The following PPRC1 variants were observed in gnomAD, a reference collection of about 807,000 sequenced individuals.
The protein encoded by PPRC1 is PPARG related coactivator 1.
Under a neutral mutation model 132.5 loss-of-function variants are expected in PPRC1, and 23 were observed. That is an observed-to-expected ratio of 0.17 (90% CI 0.12 to 0.25). The LOEUF (loss-of-function observed/expected upper bound fraction) is 0.25, where lower values mean the gene tolerates loss of function less well. PPRC1 is among the 10% of genes least tolerant of loss of function. The pLI, the probability that PPRC1 is intolerant of heterozygous loss-of-function variation, is 1.00. For synonymous variants in PPRC1, 872 were observed against 833.5 expected, an observed-to-expected ratio of 1.05 and a Z score of -0.80; for missense variants, 2,006 against 2,089.1, an observed-to-expected ratio of 0.96 and a Z score of 0.78.
intron 1 of PPRC1, among the ~76,000 whole-genome samples, 198 bp downstream of exon 1, chr10:102,133,419 G>T (rs1407848956): frequency 1.3e-5 from 2 of 152,274 alleles, no homozygotes; most frequent in African/African-American, 4.8e-5. Context: ...GCCATTCCTG[G>T]GGGACGCCGG....
Position 102,142,011 on chromosome 10 carries a change from GAC to G in PPRC1, c.3496+13_3496+14del, listed in dbSNP as rs766264217. On this transcript the variant is annotated splice_region_variant and intron_variant, in intron 5 of 13. Coordinates refer to ENST00000278070, the MANE Select transcript of PPRC1 (RefSeq NM_015062.5). ...GCTTTCATCAGTGAGATTGGTGAGT[GAC>G]ACACAGTTCCCCCATGTAGTCCCCA... The G allele has an allele frequency of 1.9e-6, 3 of 1,598,112 alleles. No homozygotes were observed. The highest frequency in any genetic ancestry group is 1.1e-5 in the South Asian group (1 of 88,908).
At chr10:102,143,577 C>G (rs1239304818) in intron 6 of PPRC1, among the ~76,000 whole-genome samples, 2 of 148,226 alleles carry the variant, frequency 1.3e-5, no homozygotes, top group African/African-American at 5.0e-5. Context: ...CTAGCCTGGG[C>G]CACAGGGTGA....
intron 7 of PPRC1, chr10:102,144,530 G>A (rs2069133848): frequency 3.4e-6 from 2 of 579,958 alleles, no homozygotes; most frequent in African/African-American, 1.9e-5. Flanking sequence ...GATTCCAGTC[G>A]GGCTCCAAAT....
upstream of PPRC1, among the ~76,000 whole-genome samples, chr10:102,131,997 A>G (rs774104686): frequency 3.9e-5 from 6 of 152,264 alleles, no homozygotes; most frequent in Non-Finnish European, 7.3e-5. Flanking sequence ...CAATACATTC[A>G]TAAAATAGAA....
Position 102,148,319 on chromosome 10 carries a change from C to CA in PPRC1, c.4401-52dup. ...AGGACTGGGGCCTGGGTGAGATAAG[C>CA]AGAGTATACCTGAACCACTCCCAGC... On this transcript the variant is annotated intron_variant, in intron 9 of 13. Coordinates refer to ENST00000278070, the MANE Select transcript of PPRC1 (RefSeq NM_015062.5). The surrounding 1 kb of genome is among the most constrained non-coding windows in gnomAD (Gnocchi z 4.2). The CA allele has an allele frequency of 6.3e-7, 1 of 1,583,826 alleles. No individual in the cohort carries two copies. The highest frequency in any genetic ancestry group is 1.2e-5 in the South Asian group (1 of 86,222).
Position 102,138,663 on chromosome 10 carries a change from G to T in PPRC1, c.387G>T (p.Thr129=), listed in dbSNP as rs751353952. The T allele has an allele frequency of 8.7e-6, 14 of 1,614,090 alleles. No individual in the cohort carries two copies. In the African/African-American group the frequency reaches 1.9e-4, roughly 22 times the overall value. Residue 129 remains threonine (T), a synonymous_variant, in exon 3 of 14, where the codon ACG becomes ACT. Transcript: ENST00000278070. ...LEDQNEVSLL[T]ALTEILDNAD... is the part of the protein sequence containing the mutation. ...ACCAGAATGAAGTGTCGCTGCTCAC[G>T]GCTCTGACGGAGATCTTGGACAATG...
At chr10:102,123,919 C>A in the PPRC1 span, among the ~76,000 whole-genome samples, 1 of 146,934 alleles carries the variant, frequency 6.8e-6, no homozygotes, top group African/African-American at 2.5e-5. Context: ...CAGCTCACTG[C>A]AACCTCTGCC....
At position 102,145,002 on chromosome 10, in the gene PPRC1, C is replaced by CT. The variant is rs777732575; in HGVS notation, c.3609-14dup. ...GAGAAGGCAATGAATCAGGCTTTCC[C>CT]TTTTCCCCCCCCGCCAGCGGCGTTG... On this transcript the variant is annotated splice_polypyrimidine_tract_variant and intron_variant, in intron 7 of 13. Transcript: ENST00000278070. 1 of 1,467,020 alleles carries CT rather than the reference C, an allele frequency of 6.8e-7. No individual in the cohort carries two copies. The highest frequency in any genetic ancestry group is 9.0e-7 in the Non-Finnish European group (1 of 1,108,120). 90.9% of individuals were successfully genotyped at this position (1,467,020 alleles called of 1,614,324 possible).
At chr10:102,142,153 C>G (rs769311727) in intron 5 of PPRC1, 149 bp downstream of exon 5, 57 of 994,218 alleles carry the variant, frequency 5.7e-5, no homozygotes, top group Non-Finnish European at 7.8e-5. Flanking sequence ...TGCTCTGTCT[C>G]CAGGCTGGAG....
chr10:102,133,626 C>G (rs1478125618), intron 1 of PPRC1, among the ~76,000 whole-genome samples: 1 of 151,982 alleles, frequency 6.6e-6, no homozygotes, highest in Non-Finnish European at 1.5e-5. Flanking sequence ...CCCTCCCCCT[C>G]TAGGCGGCCC....
Position 102,149,433 on chromosome 10 carries a change from A to C in PPRC1, c.4891+104A>C, listed in dbSNP as rs2069416025. 6.7e-6 allele frequency: 9 copies of C among 1,334,890 alleles called. No individual in the cohort carries two copies. In the African/African-American group the frequency reaches 8.8e-5, roughly 13 times the overall value. 82.7% of individuals were successfully genotyped at this position (1,334,890 alleles called of 1,614,324 possible). On this transcript the variant is annotated intron_variant, in intron 13 of 13. Coordinates refer to ENST00000278070, the MANE Select transcript of PPRC1 (RefSeq NM_015062.5). ...CTAGGCAGACTTACCTTAGTTTGAC[A>C]TACAAAGAACCCAAGGGGGCTGGGC...
rs201095839 is a variant in PPRC1 at position 102,133,044 on chromosome 10, C to G, written c.-25C>G. 27 of 1,239,924 alleles carry G rather than the reference C, an allele frequency of 2.2e-5. No individual in the cohort carries two copies. In the East Asian group the frequency reaches 5.0e-4, roughly 23 times the overall value. The allele number at this position is 1,239,924 out of a possible 1,614,324, so 76.8% of individuals were successfully genotyped here. ...GGCGAGGCGGCGCCAGCGATCAGAG[C>G]AGCGCTGGGTGTTCAGGGGCCAAGA... On this transcript the variant is annotated 5_prime_UTR_variant, in exon 1 of 14. Coordinates refer to ENST00000278070, the MANE Select transcript of PPRC1 (RefSeq NM_015062.5).
At chr10:102,131,886 T>A (rs1288039594), upstream of PPRC1, among the ~76,000 whole-genome samples, 1 of 152,164 alleles carries the variant, frequency 6.6e-6, no homozygotes, top group African/African-American at 2.4e-5. Context: ...TCAAACTCCT[T>A]AGTTCAAGTG....
Position 102,140,653 on chromosome 10 carries a change from C to T in PPRC1, c.2145C>T (p.Ser715=). ...CCCAGCTCCTCGTGGAGTCAGAGTC[C>T]TTGGACCCACCAAAGACCATCATCC... ...SAPQLLVESE[S]LDPPKTIIPE... The change falls in exon 5 of 14, where the codon TCC becomes TCT. Residue 715 remains serine, a synonymous_variant. Transcript: ENST00000278070. The T allele has an allele frequency of 6.2e-7, 1 of 1,614,052 alleles. No individual in the cohort carries two copies. The highest frequency in any genetic ancestry group is 8.5e-7 in the Non-Finnish European group (1 of 1,180,014).
In PPRC1 at chr10:102,148,906, T is replaced by C; in HGVS notation, c.4707T>C (p.Ile1569=). ...LKQRFSVFGE[I]EECTIHFRVQ... ...AGAGGTTCTCCGTTTTTGGAGAGAT[T>C]GAGGAGTGCACCATCCACTTCCGTG... Residue 1569 remains isoleucine (I), a synonymous_variant, in exon 12 of 14, where the codon ATT becomes ATC. Coordinates refer to ENST00000278070, the MANE Select transcript of PPRC1 (RefSeq NM_015062.5). The surrounding 1 kb of genome is among the most constrained non-coding windows in gnomAD (Gnocchi z 4.2). 6.2e-7 allele frequency: 1 copy of C among 1,614,204 alleles called. No individual in the cohort carries two copies. The highest frequency in any genetic ancestry group is 8.5e-7 in the Non-Finnish European group (1 of 1,180,022).
chr10:102,144,667 G>A (rs1221478081), intron 7 of PPRC1: 2 of 462,012 alleles, frequency 4.3e-6, no homozygotes, highest in East Asian at 8.0e-5. Flanking sequence ...AGATGTTAAT[G>A]GCTAGGAGTC....
the PPRC1 span, among the ~76,000 whole-genome samples, chr10:102,124,789 C>A: frequency 6.7e-6 from 1 of 150,000 alleles, no homozygotes; most frequent in Non-Finnish European, 1.5e-5. Flanking sequence ...ACTATAGGTA[C>A]ACACCACTGT....
At position 102,150,220 on chromosome 10, in the gene PPRC1, G is replaced by A; in HGVS notation, c.*191G>A. 1 of 519,500 alleles carries A rather than the reference G, an allele frequency of 1.9e-6. No homozygotes were observed. Among genetic ancestry groups the A allele is most frequent in the Admixed American group, 3.2e-5 (1 of 31,360 alleles). The allele number at this position is 519,500 out of a possible 1,614,324, so 32.2% of individuals were successfully genotyped here. A position where few individuals can be genotyped will look rare whatever the true frequency, so the allele number is the denominator to read the frequency against. Reference sequence around the variant, plus strand: ...TATTTGTTTTTTTATAACAGGTATTGAAACAAGTTAACTTGCATTCCTATG... The same window carrying A: ...TATTTGTTTTTTTATAACAGGTATTAAAACAAGTTAACTTGCATTCCTATG... On this transcript the variant is annotated 3_prime_UTR_variant, in exon 14 of 14. Transcript: ENST00000278070.
At chr10:102,143,139 G>A (rs369282829) in intron 6 of PPRC1, 41 bp downstream of exon 6, 69 of 1,583,154 alleles carry the variant, frequency 4.4e-5, no homozygotes, top group Admixed American at 1.0e-4. Context: ...TCTTTTTTTG[G>A]TGATACTTTT....
Sources: gnomAD v4.1 joint callset for allele counts (sites outside exome capture counted in the v4.1 genomes callset) on GRCh38, gnomAD v4.1.1 for gene constraint, Gnocchi (gnomAD v3.1) non-coding constraint, MANE v1.5 for transcripts, NCBI Gene and HGNC (gene_info 2026-07-23, HGNC 2026-07-21) for gene names.